Variants in PPFIA2 observed in about 807,000 individuals in gnomAD.
The protein encoded by PPFIA2 is PPFI scaffold protein A2, also known as liprin-alpha-2.
Under a neutral mutation model 175.5 loss-of-function variants are expected in PPFIA2, and 46 were observed. That is an observed-to-expected ratio of 0.26 (90% CI 0.21 to 0.34). PPFIA2 has a LOEUF of 0.34. PPFIA2 is among the 10% of genes least tolerant of loss of function. PPFIA2 has a pLI of 1.00. For synonymous variants in PPFIA2, 568 were observed against 511.4 expected, an observed-to-expected ratio of 1.11 and a Z score of -1.49; for missense variants, 1,179 against 1,506.1, an observed-to-expected ratio of 0.78 and a Z score of 3.60.
rs943572155 is a variant in PPFIA2 at position 81,703,092 on chromosome 12, CCTCTT to C, written c.250-26253_250-26249del. On this transcript the variant is annotated intron_variant, in intron 3 of 32. Coordinates refer to ENST00000549396, the MANE Select transcript of PPFIA2 (RefSeq NM_003625.5). Reference sequence around the variant, plus strand: ...TGTTCCCCAGAGTTCAGTCCACAGACCTCTTCTCTTTTTTCTCTACACTTCTTCTT... The same window carrying C: ...TGTTCCCCAGAGTTCAGTCCACAGACCTCTTTTTTCTCTACACTTCTTCTT... Among the ~76,000 whole-genome samples the C allele has an allele frequency of 1.5e-4, 23 of 152,020 alleles. 1 individual carries two copies. Among genetic ancestry groups the C allele is most frequent in the Admixed American group, 1.4e-3 (22 of 15,256 alleles).
At position 81,274,146 on chromosome 12, in the gene PPFIA2, A is replaced by T. The variant is rs187513367; in HGVS notation, c.3310+3171T>A. Among the ~76,000 whole-genome samples, 59 of 152,260 alleles carry T rather than the reference A, an allele frequency of 3.9e-4. 1 individual carries two copies. The highest frequency in any genetic ancestry group is 1.3e-3 in the Admixed American group (20 of 15,274). ...TCATTCTAACAACTGGTTACCCTAC[A>T]CTTGAATCCCAAAAGCTAGGCAAGT... On this transcript the variant is annotated intron_variant, in intron 28 of 32. Coordinates refer to ENST00000549396, the MANE Select transcript of PPFIA2 (RefSeq NM_003625.5).
intron 4 of PPFIA2, among the ~76,000 whole-genome samples, chr12:81,563,127 T>G (rs887034202): frequency 6.6e-6 from 1 of 152,110 alleles, no homozygotes; most frequent in Non-Finnish European, 1.5e-5. Context: ...AAATTATCTT[T>G]CCTAAGAAAC....
At chr12:81,718,864 T>G (rs544320069) in intron 3 of PPFIA2, among the ~76,000 whole-genome samples, 1 of 151,658 alleles carries the variant, frequency 6.6e-6, no homozygotes, top group Non-Finnish European at 1.5e-5. Flanking sequence ...GGCTTGGCAT[T>G]TATTCTAGCT....
intron 3 of PPFIA2, among the ~76,000 whole-genome samples, chr12:81,733,256 C>T (rs1035934729): frequency 1.5e-4 from 22 of 151,480 alleles, no homozygotes; most frequent in Non-Finnish European, 2.7e-4. Flanking sequence ...GCAACTAGTA[C>T]GCATCAAGTG....
At chr12:81,477,187 A>C (rs570007816) in intron 4 of PPFIA2, among the ~76,000 whole-genome samples, 4 of 152,174 alleles carry the variant, frequency 2.6e-5, no homozygotes, top group African/African-American at 9.6e-5. Flanking sequence ...ACGTGCACAT[A>C]CTGTACATGT....
At chr12:81,521,721 G>A (rs992821661) in intron 4 of PPFIA2, among the ~76,000 whole-genome samples, 1 of 151,292 alleles carries the variant, frequency 6.6e-6, no homozygotes, top group African/African-American at 2.4e-5. Flanking sequence ...TCCGGAGGCT[G>A]AGGCAGGAGA....
intron 4 of PPFIA2, among the ~76,000 whole-genome samples, chr12:81,638,009 A>C (rs2064341688): frequency 6.6e-6 from 1 of 151,906 alleles, no homozygotes; most frequent in South Asian, 2.1e-4. Context: ...AGAAGAAGAA[A>C]ACTTGTATTC....
rs566834929 is a variant in PPFIA2, at chr12:81,457,945, T to C, written c.304-79A>G. ...AAAATTCAAAATATAAATTTCAAAA[T>C]GAAAAGAATGGGGAAAAATGACCCC... On this transcript the variant is annotated intron_variant, in intron 4 of 32. Transcript: ENST00000549396. 121 of 956,826 alleles carry C rather than the reference T, an allele frequency of 1.3e-4. 2 individuals carry two copies. In the African/African-American group the frequency reaches 1.8e-3, roughly 15 times the overall value. The allele number at this position is 956,826 out of a possible 1,614,324, so 59.3% of individuals were successfully genotyped here.
chr12:81,613,763 G>A (rs527522176), intron 4 of PPFIA2, among the ~76,000 whole-genome samples: 6 of 152,022 alleles, frequency 3.9e-5, no homozygotes, highest in Non-Finnish European at 8.8e-5. Context: ...GCATGGAGTT[G>A]GTATTCAATA....
At chr12:81,726,136 T>C (rs1434255973) in intron 3 of PPFIA2, among the ~76,000 whole-genome samples, 1 of 151,160 alleles carries the variant, frequency 6.6e-6, no homozygotes, top group Middle Eastern at 3.2e-3. Flanking sequence ...TGATATCCTA[T>C]AACATCTCAT....
intron 8 of PPFIA2, among the ~76,000 whole-genome samples, chr12:81,401,879 C>A (rs982722660): frequency 6.6e-6 from 1 of 152,098 alleles, no homozygotes; most frequent in Non-Finnish European, 1.5e-5. Flanking sequence ...TATTTATATT[C>A]TTCTCAATCA....
chr12:81,575,168 C>G (rs138570062), intron 4 of PPFIA2, among the ~76,000 whole-genome samples: 1 of 151,696 alleles, frequency 6.6e-6, no homozygotes, highest in Admixed American at 6.6e-5. Context: ...TGTAAATGCA[C>G]GTTTAATCAT....
Position 81,341,207 on chromosome 12 carries a change from A to C in PPFIA2, c.2264T>G (p.Ile755Ser). The C allele has an allele frequency of 6.2e-7, 1 of 1,610,452 alleles. No homozygotes were observed. The highest frequency in any genetic ancestry group is 1.1e-5 in the South Asian group (1 of 90,834). ...PSDLRKHRRK[I>S]AVVEEDGRED... is the part of the protein sequence containing the mutation. ...TCGACCATCTTCTTCCACAACTGCA[A>C]TCTAGAAGCAAAAACAATACATTCA... Residue 755 changes from isoleucine (I) to serine (S), a missense_variant and splice_region_variant, in exon 20 of 33, where the codon ATT (isoleucine) becomes AGT (serine). Ile to Ser is a moderately radical substitution (Grantham distance 142). Transcript: ENST00000549396.
rs180714458 is a variant in PPFIA2, at chr12:81,386,500, T to C, written c.763-2256A>G. Among the ~76,000 whole-genome samples, 55 of 151,718 alleles carry C rather than the reference T, an allele frequency of 3.6e-4. No individual in the cohort carries two copies. The East Asian group carries it at 9.8e-3, about 27-fold the overall frequency. On this transcript the variant is annotated intron_variant, in intron 8 of 32. Coordinates refer to ENST00000549396, the MANE Select transcript of PPFIA2 (RefSeq NM_003625.5). ...AGCCAGGTGTTGTGGCACGCACCCA[T>C]AGTCCCAGCAACTAGAGAGGCAGAG...
intron 4 of PPFIA2, among the ~76,000 whole-genome samples, chr12:81,607,731 A>G (rs991855232): frequency 1.3e-5 from 2 of 152,100 alleles, no homozygotes; most frequent in African/African-American, 4.8e-5. Flanking sequence ...ACAGAACCAT[A>G]TCATCAGTGA....
At chr12:81,580,283 A>G (rs992448464) in intron 4 of PPFIA2, among the ~76,000 whole-genome samples, 4 of 151,738 alleles carry the variant, frequency 2.6e-5, no homozygotes, top group African/African-American at 9.7e-5. Context: ...GCCCCATTTT[A>G]CAGATGTAAA....
intron 4 of PPFIA2, among the ~76,000 whole-genome samples, chr12:81,612,103 C>T (rs1369319569): frequency 6.6e-6 from 1 of 152,022 alleles, no homozygotes; most frequent in African/African-American, 2.4e-5. Context: ...TGGTGGCTGA[C>T]TTAATAATTT....
intron 7 of PPFIA2, among the ~76,000 whole-genome samples, chr12:81,415,810 T>A (rs1474607721): frequency 1.3e-5 from 2 of 151,386 alleles, no homozygotes; most frequent in African/African-American, 4.8e-5. Context: ...ACAATAGTAA[T>A]TTTGACAATA....
intron 22 of PPFIA2, chr12:81,302,793 C>T (rs1315852810): frequency 1.3e-5 from 5 of 377,310 alleles, no homozygotes; most frequent in African/African-American, 4.2e-5. Context: ...AAATAATCGG[C>T]ACCATACAAA....
Sources: gnomAD v4.1 joint callset for allele counts (sites outside exome capture counted in the v4.1 genomes callset) on GRCh38, gnomAD v4.1.1 for gene constraint, MANE v1.5 for transcripts, NCBI Gene and HGNC (gene_info 2026-07-23, HGNC 2026-07-21) for gene names.